The following MYH9 variants were observed in gnomAD, a reference collection of about 807,000 sequenced individuals.
MYH9 encodes myosin-9.
A neutral mutation model predicts 241.9 loss-of-function variants in MYH9; 29 were observed. That is an observed-to-expected ratio of 0.12 (90% confidence interval 0.09 to 0.16). MYH9 has a LOEUF of 0.16. Ranked by LOEUF, MYH9 falls within the 10% of genes least tolerant of loss-of-function variation. The pLI is 1.00. For synonymous variants in MYH9, 1,047 were observed against 1,062.6 expected, an observed-to-expected ratio of 0.99 and a Z score of 0.29; for missense variants, 1,803 against 2,595.5, an observed-to-expected ratio of 0.69 and a Z score of 6.63.
At chr22:36,357,976 T>C (rs955668305) in intron 1 of MYH9, among the ~76,000 whole-genome samples, 2 of 152,166 alleles carry the variant, frequency 1.3e-5, no homozygotes, top group Non-Finnish European at 2.9e-5. Context: ...AGCCTGCGAC[T>C]CATAAGCAAA....
Position 36,295,422 on chromosome 22 carries a change from G to C in MYH9, c.3485+83C>G. 1 of 1,092,516 alleles carries C rather than the reference G, an allele frequency of 9.2e-7. No individual in the cohort carries two copies. Among genetic ancestry groups the C allele is most frequent in the Non-Finnish European group, 1.4e-6 (1 of 730,936 alleles). 67.7% of individuals were successfully genotyped at this position (1,092,516 alleles called of 1,614,324 possible). On this transcript the variant is annotated intron_variant, in intron 26 of 40. Coordinates refer to ENST00000216181, the MANE Select transcript of MYH9 (RefSeq NM_002473.6). This position sits in a 1 kb window ranked among gnomAD's most constrained non-coding sequence, Gnocchi z 4.1. ...CCACGGTGTGTGTGTGTGTGTGTGT[G>C]CAGAGGCCCGGGGTCCATGTCTCCA...
chr22:36,348,337 C>T (rs951390064), intron 2 of MYH9, among the ~76,000 whole-genome samples: 4 of 150,936 alleles, frequency 2.7e-5, no homozygotes, highest in South Asian at 2.1e-4. Flanking sequence ...GGTGAAACCC[C>T]GTCTCTACTA....
Position 36,285,732 on chromosome 22 carries a change from G to C in MYH9, c.5200C>G (p.Leu1734Val), listed in dbSNP as rs761101755. The change falls in exon 37 of 41, where the codon CTG becomes GTG. Residue 1734 changes from leucine to valine, a missense_variant. Leu to Val is a conservative substitution (Grantham distance 32). Around this residue, in one of 11 missense-constraint regions of MYH9, gnomAD observed 876 missense variants for 1,077.8 expected, o/e 0.81. Transcript: ENST00000216181. This position sits in a 1 kb window ranked among gnomAD's most constrained non-coding sequence, Gnocchi z 7.0. ...KRRLEARIAQLEEELEEEQGN... is the reference protein window; with the variant it reads ...KRRLEARIAQVEEELEEEQGN... ...TGCTCCTCCTCCAGCTCCTCCTCCA[G>C]CTGGGCGATGCGGGCCTCCAGACGC... The C allele has an allele frequency of 6.2e-7, 1 of 1,612,804 alleles. No individual in the cohort carries two copies. The highest frequency in any genetic ancestry group is 1.1e-5 in the South Asian group (1 of 90,920).
At chr22:36,296,604 A>T (rs2146339506) in intron 25 of MYH9, among the ~76,000 whole-genome samples, 1 of 141,218 alleles carries the variant, frequency 7.1e-6, no homozygotes, top group Admixed American at 7.3e-5. Context: ...GGACTATTGT[A>T]GGTGGGTGAT....
At chr22:36,379,872 A>T (rs1334546164) in intron 1 of MYH9, among the ~76,000 whole-genome samples, 1 of 152,232 alleles carries the variant, frequency 6.6e-6, no homozygotes, top group Non-Finnish European at 1.5e-5. Flanking sequence ...CCGGGTGCTG[A>T]ATCATCTCAG....
In MYH9 at chr22:36,281,868, A is replaced by C. The variant is rs7078; in HGVS notation, c.*800T>G. On this transcript the variant is annotated 3_prime_UTR_variant, in exon 41 of 41. Coordinates refer to ENST00000216181, the MANE Select transcript of MYH9 (RefSeq NM_002473.6). ...TTGGGACAAGTCCCTTAACCATTAA[A>C]TATATTTGGTCCCCAAGAGTGTTGG... 2.2e-5 allele frequency: 5 copies of C among 230,020 alleles called. No homozygotes were observed. The allele number at this position is 230,020 out of a possible 1,614,324, so 14.2% of individuals were successfully genotyped here.
Position 36,341,467 on chromosome 22 carries a change from A to C in MYH9, c.393T>G (p.Ser131=), listed in dbSNP as rs1457268512. The C allele has an allele frequency of 2.2e-5, 35 of 1,614,118 alleles. No homozygotes were observed. Among genetic ancestry groups the C allele is most frequent in the Non-Finnish European group, 2.8e-5 (33 of 1,180,056 alleles). ...CCTTGTACATTTCCACAATCTCTTC[A>C]GAGTAGATGGGCAGGTTCTTGTAAG... The part of the protein sequence containing the change: ...INPYKNLPIY[S]EEIVEMYKGK... The change falls in exon 3 of 41, where the codon TCT becomes TCG. Residue 131 remains serine, a synonymous_variant. Coordinates refer to ENST00000216181, the MANE Select transcript of MYH9 (RefSeq NM_002473.6).
intron 7 of MYH9, among the ~76,000 whole-genome samples, chr22:36,321,395 G>A (rs796607274): frequency 3.9e-5 from 6 of 152,282 alleles, no homozygotes; most frequent in African/African-American, 1.2e-4. Context: ...TCACACCTTC[G>A]AGAGCCTTGT....
chr22:36,313,268 G>A (rs549804618), intron 13 of MYH9, among the ~76,000 whole-genome samples: 11 of 151,460 alleles, frequency 7.3e-5, no homozygotes, highest in Middle Eastern at 6.8e-3. Flanking sequence ...TTGAGACCAC[G>A]GTGAAACTCC....
At position 36,288,595 on chromosome 22, in the gene MYH9, G is replaced by C. The variant is rs1296814776; in HGVS notation, c.4770+132C>G. On this transcript the variant is annotated intron_variant, in intron 33 of 40. Coordinates refer to ENST00000216181, the MANE Select transcript of MYH9 (RefSeq NM_002473.6). This position sits in a 1 kb window ranked among gnomAD's most constrained non-coding sequence, Gnocchi z 4.8. ...CACTGAACCCCGAGACAGGAGGCTAGAAAGAAGGAATATGGGAGGGGAGGC... is the reference window on the plus strand; with the variant it reads ...CACTGAACCCCGAGACAGGAGGCTACAAAGAAGGAATATGGGAGGGGAGGC... The C allele has an allele frequency of 3.7e-6, 5 of 1,334,000 alleles. No individual in the cohort carries two copies. Among genetic ancestry groups the C allele is most frequent in the Non-Finnish European group, 5.3e-6 (5 of 942,120 alleles). The allele number at this position is 1,334,000 out of a possible 1,614,324, so 82.6% of individuals were successfully genotyped here. A position where few individuals can be genotyped will look rare whatever the true frequency, so the allele number is the denominator to read the frequency against.
Position 36,314,522 on chromosome 22 carries a change from C to T in MYH9, c.1381-204G>A, listed in dbSNP as rs577304688. Among the ~76,000 whole-genome samples, 7 of 152,268 alleles carry T rather than the reference C, an allele frequency of 4.6e-5. No homozygotes were observed. In the East Asian group the frequency reaches 1.2e-3, roughly 25 times the overall value. On this transcript the variant is annotated intron_variant, in intron 12 of 40. Transcript: ENST00000216181. ...ACATTTACTCTTTGGAGCCAGTGAC[C>T]GCGGGCAGTCTGGTAAAGCCTTTTC...
intron 38 of MYH9, among the ~76,000 whole-genome samples, chr22:36,284,790 A>G (rs772336930): frequency 2.6e-5 from 4 of 152,118 alleles, no homozygotes; most frequent in Non-Finnish European, 4.4e-5. Context: ...TGTAAACCCC[A>G]TTCCCTCCAA....
intron 10 of MYH9, among the ~76,000 whole-genome samples, chr22:36,319,054 G>A (rs369599646): frequency 1.3e-5 from 2 of 152,152 alleles, no homozygotes; most frequent in African/African-American, 2.4e-5. Flanking sequence ...GAGCCACCAC[G>A]CCCGGTCAGG....
At chr22:36,332,211 A>G (rs5750252) in intron 3 of MYH9, among the ~76,000 whole-genome samples, 92,293 of 152,156 alleles carry the variant, frequency 0.61, 28,883 homozygotes, top group African/African-American at 0.69. Flanking sequence ...TCTCATGACG[A>G]GAAGCTCTGC....
chr22:36,373,420 G>A (rs563954095), intron 1 of MYH9, among the ~76,000 whole-genome samples: 5 of 152,320 alleles, frequency 3.3e-5, no homozygotes, highest in East Asian at 1.9e-4. Flanking sequence ...GTGACACAAC[G>A]GCGGAGGCGG....
At chr22:36,323,917 C>T (rs2017295151) in intron 5 of MYH9, among the ~76,000 whole-genome samples, 1 of 152,244 alleles carries the variant, frequency 6.6e-6, no homozygotes, top group African/African-American at 2.4e-5. Flanking sequence ...CCAGTGGTAA[C>T]TGGACACCGG....
At chr22:36,296,434 C>T (rs1162874715) in intron 25 of MYH9, among the ~76,000 whole-genome samples, 1 of 151,818 alleles carries the variant, frequency 6.6e-6, no homozygotes, top group Non-Finnish European at 1.5e-5. Context: ...GGGGGTTTCA[C>T]CATGTTGGCC....
At chr22:36,291,923 T>G (rs2016711208) in intron 31 of MYH9, 63 bp downstream of exon 31, 2 of 1,611,576 alleles carry the variant, frequency 1.2e-6, no homozygotes, top group African/African-American at 2.7e-5. Flanking sequence ...TGATGGGCCC[T>G]TTGCTTTGGA....
At chr22:36,298,629 C>T (rs942609732) in intron 24 of MYH9, among the ~76,000 whole-genome samples, 4 of 152,182 alleles carry the variant, frequency 2.6e-5, no homozygotes, top group Admixed American at 6.5e-5. Flanking sequence ...CCAAAACCCA[C>T]GGCACACAAC....
Sources: gnomAD v4.1 joint callset for allele counts (sites outside exome capture counted in the v4.1 genomes callset) on GRCh38, gnomAD v4.1.1 for gene constraint, gnomAD v4.1.1 regional missense constraint, Gnocchi (gnomAD v3.1) non-coding constraint, MANE v1.5 for transcripts, NCBI Gene and HGNC (gene_info 2026-07-23, HGNC 2026-07-21) for gene names.